The following PTH2R variants were observed in gnomAD, a reference collection of about 807,000 sequenced individuals.
PTH2R encodes PTH2 receptor.
PTH2R carries 59 observed loss-of-function variants against 60.3 expected under a neutral mutation model. That is an observed-to-expected ratio of 0.98 (90% confidence interval 0.79 to 1.22). The LOEUF (loss-of-function observed/expected upper bound fraction) is 1.22. PTH2R is among the 50% of genes most tolerant of loss of function. The pLI is 0.00. For synonymous variants in PTH2R, 256 were observed against 243.8 expected (o/e 1.05, Z -0.47); for missense variants, 749 against 682.6 (o/e 1.10, Z -1.08).
chr2:208,370,822 A>G (rs1700686468), intron 1 of PTH2R, among the ~76,000 whole-genome samples: 2 of 152,012 alleles, frequency 1.3e-5, no homozygotes, highest in East Asian at 3.9e-4. Flanking sequence ...AGGCTGGGAA[A>G]TTTATAAAGA....
intron 1 of PTH2R, among the ~76,000 whole-genome samples, chr2:208,386,727 C>T (rs528246164): frequency 2.0e-5 from 3 of 152,278 alleles, no homozygotes; most frequent in South Asian, 2.1e-4. Context: ...ACAGATTTCT[C>T]GCTGTATTCT....
At chr2:208,365,960 ATTTTTTTTTTTTTTT>A (rs1172950601) in intron 1 of PTH2R, among the ~76,000 whole-genome samples, 32 of 16,078 alleles carry the variant, frequency 2.0e-3, no homozygotes, top group African/African-American at 3.9e-3. Flanking sequence ...ATATATATAT[ATTTTTTTTTTTTTTT>A]TTTTTTTTTT....
upstream of PTH2R, among the ~76,000 whole-genome samples, chr2:208,402,240 C>G (rs1425635463): frequency 2.0e-5 from 3 of 152,208 alleles, no homozygotes; most frequent in African/African-American, 4.8e-5. Flanking sequence ...CAGATTTTCT[C>G]ACTATCCTGG....
intron 1 of PTH2R, among the ~76,000 whole-genome samples, chr2:208,378,688 G>A (rs781047006): frequency 1.3e-5 from 2 of 152,124 alleles, no homozygotes; most frequent in South Asian, 4.1e-4. Flanking sequence ...ACTACATACC[G>A]AATCTACAAG....
At chr2:208,404,114 G>A (rs1423334330), upstream of PTH2R, among the ~76,000 whole-genome samples, 2 of 152,194 alleles carry the variant, frequency 1.3e-5, no homozygotes, top group Non-Finnish European at 2.9e-5. Flanking sequence ...GAGAGTGTAA[G>A]GGGAGAACAG....
chr2:208,360,288 A>G, intron 1 of PTH2R: 2 of 398,522 alleles, frequency 5.0e-6, no homozygotes, highest in Non-Finnish European at 1.0e-5. Flanking sequence ...AGCAGCCCCT[A>G]CGGGGTCTCC....
chr2:208,400,046 A>T (rs1559208602), intron 1 of PTH2R, among the ~76,000 whole-genome samples: 2 of 152,140 alleles, frequency 1.3e-5, no homozygotes, highest in Admixed American at 1.3e-4. Flanking sequence ...CTGTATTTCA[A>T]TAGGTCTCCA....
chr2:208,391,232 C>A (rs527569413), intron 1 of PTH2R, among the ~76,000 whole-genome samples: 6 of 152,286 alleles, frequency 3.9e-5, no homozygotes, highest in Middle Eastern at 3.4e-3. Flanking sequence ...TTAGACGTTT[C>A]TCGATTTAAT....
At chr2:208,436,097 G>A (rs1391232252) in intron 2 of PTH2R, among the ~76,000 whole-genome samples, 1 of 152,038 alleles carries the variant, frequency 6.6e-6, no homozygotes, top group Non-Finnish European at 1.5e-5. Context: ...GACAAAACAG[G>A]CAAAAATCTC....
upstream of PTH2R, among the ~76,000 whole-genome samples, chr2:208,406,202 A>G (rs976599843): frequency 6.6e-6 from 1 of 152,194 alleles, no homozygotes; most frequent in African/African-American, 2.4e-5. Context: ...TTGTAATACA[A>G]TTGGCCAATG....
At chr2:208,362,467 A>C (rs1428116882) in intron 1 of PTH2R, among the ~76,000 whole-genome samples, 1 of 152,162 alleles carries the variant, frequency 6.6e-6, no homozygotes, top group Non-Finnish European at 1.5e-5. Context: ...TATCTGTATC[A>C]TCTCTATATA....
chr2:208,370,224 A>G lies in PTH2R; in HGVS notation c.-259+9987A>G, dbSNP rs149594950. ...TTCGGGAGGCCGAAGCGGGCGGATC[A>G]TGAGGTCAGGGGATCGAGACCATCC... On this transcript the variant is annotated intron_variant, in intron 1 of 12. Coordinates refer to the PTH2R transcript ENST00000617735. Among the ~76,000 whole-genome samples, 1,243 of 152,086 alleles carry G rather than the reference A, an allele frequency of 8.2e-3. 22 individuals carry two copies. The highest frequency in any genetic ancestry group is 0.028 in the African/African-American group (1,178 of 41,422).
At chr2:208,400,248 T>C (rs1293117202) in intron 1 of PTH2R, among the ~76,000 whole-genome samples, 2 of 152,238 alleles carry the variant, frequency 1.3e-5, no homozygotes, top group Non-Finnish European at 1.5e-5. Context: ...TTCTAAATAG[T>C]AATGTCTAAA....
chr2:208,371,067 A>T (rs1185566277), intron 1 of PTH2R, among the ~76,000 whole-genome samples: 1 of 151,974 alleles, frequency 6.6e-6, no homozygotes, highest in African/African-American at 2.4e-5. Flanking sequence ...CACCATGGGG[A>T]TGGCACTAAG....
At chr2:208,365,984 T>A (rs1386039824) in intron 1 of PTH2R, among the ~76,000 whole-genome samples, 4 of 102,146 alleles carry the variant, frequency 3.9e-5, no homozygotes, top group Non-Finnish European at 8.0e-5. Flanking sequence ...TTTTTTTTTT[T>A]TTTTTTTTTT....
At chr2:208,432,136 T>C (rs1701985755) in intron 2 of PTH2R, among the ~76,000 whole-genome samples, 1 of 152,262 alleles carries the variant, frequency 6.6e-6, no homozygotes, top group Non-Finnish European at 1.5e-5. Context: ...TGATGGCTGA[T>C]AAGCTGTTTT....
intron 1 of PTH2R, among the ~76,000 whole-genome samples, chr2:208,363,390 C>T (rs1292409329): frequency 6.6e-6 from 1 of 152,120 alleles, no homozygotes; most frequent in Non-Finnish European, 1.5e-5. Flanking sequence ...TGTATATGTA[C>T]CACATTTTCT....
chr2:208,422,714 A>G, intron 1 of PTH2R, among the ~76,000 whole-genome samples: 1 of 152,186 alleles, frequency 6.6e-6, no homozygotes, highest in Non-Finnish European at 1.5e-5. Context: ...TGCAGTTGGA[A>G]GAACTAACGA....
chr2:208,368,213 A>C (rs1311207316), intron 1 of PTH2R, among the ~76,000 whole-genome samples: 1 of 152,142 alleles, frequency 6.6e-6, no homozygotes, highest in Non-Finnish European at 1.5e-5. Context: ...CCCAACTTTG[A>C]CAATCTTTTT....
Sources: allele counts gnomAD v4.1 joint callset (sites outside exome capture counted in the v4.1 genomes callset), GRCh38; gene constraint gnomAD v4.1.1; transcripts MANE v1.5; gene names NCBI Gene and HGNC (gene_info 2026-07-23, HGNC 2026-07-21).